The following PFKFB2 variants were observed in gnomAD, a reference collection of about 807,000 sequenced individuals.
The protein encoded by PFKFB2 is 6-phosphofructo-2-kinase/fructose-2,6-biphosphatase 2.
In PFKFB2, 53 loss-of-function variants were observed where a neutral mutation model predicts 68.0. The ratio of observed to expected loss-of-function variants is 0.78; its 90% confidence interval spans 0.63 to 0.98. The LOEUF (loss-of-function observed/expected upper bound fraction) is 0.98. PFKFB2 is among the 50% of genes least tolerant of loss of function. The pLI is 0.00. For missense variants in PFKFB2, 451 were observed against 642.0 expected, an observed-to-expected ratio of 0.70 and a Z score of 3.22; for synonymous variants, 222 against 227.6, an observed-to-expected ratio of 0.98 and a Z score of 0.22.
In PFKFB2 at chr1:207,072,552, C is replaced by T. The variant is rs1683496999; in HGVS notation, c.*181C>T. On this transcript the variant is annotated 3_prime_UTR_variant, in exon 15 of 15. Transcript: ENST00000367080. The stretch of plus-strand genomic sequence containing the variant: ...TTATGTGTTTATAGGACAACTTAAG[C>T]TGTTCTTCAGTTTGAAACATCTTTT... 6.6e-6 allele frequency: 9 copies of T among 1,357,482 alleles called. No homozygotes were observed. Among genetic ancestry groups the T allele is most frequent in the Middle Eastern group, 5.5e-4 (2 of 3,642 alleles). 84.1% of individuals were successfully genotyped at this position (1,357,482 alleles called of 1,614,324 possible).
At chr1:207,036,112 C>T (rs561669947) in intron 1 of PFKFB2, among the ~76,000 whole-genome samples, 1 of 152,106 alleles carries the variant, frequency 6.6e-6, no homozygotes, top group Non-Finnish European at 1.5e-5. Context: ...AGGGATCTGC[C>T]CCCATGACCC....
chr1:207,050,675 C>T (rs760096036), upstream of PFKFB2: 70 of 1,612,778 alleles, frequency 4.3e-5, 1 homozygote, highest in South Asian at 7.5e-4. Context: ...TGGCCCCAGC[C>T]CTGATTCCTT....
chr1:207,042,249 C>T (rs776790758), intron 2 of PFKFB2: 8 of 152,008 alleles, frequency 5.3e-5, no homozygotes, highest in Non-Finnish European at 1.2e-4. Context: ...GCAACATGAC[C>T]AACATTAAGA....
At chr1:207,054,563 T>C in intron 1 of PFKFB2, 138 bp from the exon 2 acceptor site, 1 of 583,496 alleles carries the variant, frequency 1.7e-6, no homozygotes, top group Non-Finnish European at 3.0e-6. Flanking sequence ...AGCTGCTAAC[T>C]GGGAGAAACA....
Position 207,074,540 on chromosome 1 carries a change from C to T in PFKFB2, c.*2169C>T, listed in dbSNP as rs1011492980. Reference sequence around the variant, plus strand: ...GACTCCTGACCCCGGGTCCTTTACTCGTATGTCCCAAGTAGGATACCATAG... The same window carrying T: ...GACTCCTGACCCCGGGTCCTTTACTTGTATGTCCCAAGTAGGATACCATAG... On this transcript the variant is annotated 3_prime_UTR_variant, in exon 15 of 15. Coordinates refer to ENST00000367080, the MANE Select transcript of PFKFB2 (RefSeq NM_006212.2). 2.0e-6 allele frequency: 2 copies of T among 985,274 alleles called. No homozygotes were observed. The highest frequency in any genetic ancestry group is 1.7e-5 in the African/African-American group (1 of 57,216). 61.0% of individuals were successfully genotyped at this position (985,274 alleles called of 1,614,324 possible). A position where few individuals can be genotyped will look rare whatever the true frequency, so the allele number is the denominator to read the frequency against.
At chr1:207,059,685 C>T (rs1683029567) in intron 2 of PFKFB2, among the ~76,000 whole-genome samples, 1 of 152,148 alleles carries the variant, frequency 6.6e-6, no homozygotes, top group Non-Finnish European at 1.5e-5. Flanking sequence ...GTCTGGGCCT[C>T]CATTTCTCCC....
chr1:207,066,658 CT>C (rs200809973), intron 8 of PFKFB2, among the ~76,000 whole-genome samples: 2 of 151,302 alleles, frequency 1.3e-5, no homozygotes, highest in African/African-American at 4.9e-5. Context: ...GCACTTATGA[CT>C]TTTTTTTTGA....
At chr1:207,078,856 G>C, downstream of PFKFB2, 1 of 970,126 alleles carries the variant, frequency 1.0e-6, no homozygotes, top group Non-Finnish European at 1.6e-6. Context: ...GGGAGGTTGA[G>C]GGAGGAGGGA....
At position 207,075,629 on chromosome 1, in the gene PFKFB2, A is replaced by G; in HGVS notation, c.*3258A>G. On this transcript the variant is annotated 3_prime_UTR_variant, in exon 15 of 15. Coordinates refer to ENST00000367080, the MANE Select transcript of PFKFB2 (RefSeq NM_006212.2). Reference sequence around the variant, plus strand: ...AAATAGGTAAAGACATTAGCATTTAATCTACTGGAATAAGCTGGTTGCTGT... The same window carrying G: ...AAATAGGTAAAGACATTAGCATTTAGTCTACTGGAATAAGCTGGTTGCTGT... The G allele has an allele frequency of 1.0e-6, 1 of 985,180 alleles. No individual in the cohort carries two copies. The highest frequency in any genetic ancestry group is 1.2e-6 in the Non-Finnish European group (1 of 829,664). 61.0% of individuals were successfully genotyped at this position (985,180 alleles called of 1,614,324 possible).
At position 207,075,501 on chromosome 1, in the gene PFKFB2, G is replaced by C. The variant is rs1334928712; in HGVS notation, c.*3130G>C. Reference sequence around the variant, plus strand: ...CCTGGTCTTACTTGAATGCATGTTGGTAATCTGTATACATTACTATGACTG... The same window carrying C: ...CCTGGTCTTACTTGAATGCATGTTGCTAATCTGTATACATTACTATGACTG... On this transcript the variant is annotated 3_prime_UTR_variant, in exon 15 of 15. Transcript: ENST00000367080. 1 of 985,174 alleles carries C rather than the reference G, an allele frequency of 1.0e-6. No individual in the cohort carries two copies. Among genetic ancestry groups the C allele is most frequent in the African/African-American group, 1.7e-5 (1 of 57,220 alleles). The allele number at this position is 985,174 out of a possible 1,614,324, so 61.0% of individuals were successfully genotyped here.
At chr1:207,080,615 T>G (rs1260087803), downstream of PFKFB2, 2 of 152,246 alleles carry the variant, frequency 1.3e-5, no homozygotes, top group Non-Finnish European at 2.9e-5. Context: ...ATTTAGTTAT[T>G]TATTCTATCC....
intron 2 of PFKFB2, chr1:207,044,297 T>A (rs1201070318): frequency 6.6e-6 from 1 of 152,562 alleles, no homozygotes; most frequent in Non-Finnish European, 1.5e-5. Context: ...TGAATTCAAA[T>A]TTTTTTCAAG....
At chr1:207,042,874 TC>T (rs2102318255) in intron 2 of PFKFB2, among the ~76,000 whole-genome samples, 1 of 152,340 alleles carries the variant, frequency 6.6e-6, no homozygotes, top group Non-Finnish European at 1.5e-5. Flanking sequence ...ATTTACATTA[TC>T]TGTAAACTTA....
intron 2 of PFKFB2, among the ~76,000 whole-genome samples, chr1:207,056,553 T>G (rs1395699720): frequency 6.6e-6 from 1 of 151,842 alleles, no homozygotes; most frequent in Non-Finnish European, 1.5e-5. Context: ...CTACCTGCTT[T>G]CCTAACTCTT....
rs781753104 is a variant in PFKFB2 at position 207,070,345 on chromosome 1, C to A, written c.1158C>A (p.Val386=). ...TGGAGCTGGAACGTCAGGGCAATGT[C>A]CTCGTCATCTCCCACCAGGCTGTCA... is the stretch of plus-strand genomic sequence containing the variant. ...VIMELERQGN[V]LVISHQAVMR... is the part of the protein sequence containing the mutation. The change falls in exon 12 of 15, where the codon GTC becomes GTA. Residue 386 remains valine (V), a synonymous_variant. Coordinates refer to ENST00000367080, the MANE Select transcript of PFKFB2 (RefSeq NM_006212.2). The surrounding 1 kb of genome is among the most constrained non-coding windows in gnomAD (Gnocchi z 4.2). 1.9e-6 allele frequency: 3 copies of A among 1,613,930 alleles called. No individual in the cohort carries two copies. The South Asian group carries it at 3.3e-5, about 18-fold the overall frequency.
At chr1:207,061,072 TA>T in intron 2 of PFKFB2, 1 of 118,156 alleles carries the variant, frequency 8.5e-6, no homozygotes, top group African/African-American at 3.5e-5. Flanking sequence ...TCTTTATATA[TA>T]TCTTTATATA....
intron 1 of PFKFB2, among the ~76,000 whole-genome samples, chr1:207,038,535 T>A (rs914242975): frequency 6.6e-6 from 1 of 152,212 alleles, no homozygotes; most frequent in East Asian, 1.9e-4. Flanking sequence ...TGCTGTACCC[T>A]CTATTTGAAA....
intron 1 of PFKFB2, among the ~76,000 whole-genome samples, chr1:207,036,539 C>T (rs1027343211): frequency 2.6e-5 from 4 of 152,232 alleles, no homozygotes; most frequent in Non-Finnish European, 5.9e-5. Context: ...CATAAACTGT[C>T]TACCTCTCTT....
chr1:207,051,988 G>A (rs1193761287), upstream of PFKFB2, among the ~76,000 whole-genome samples: 1 of 152,236 alleles, frequency 6.6e-6, no homozygotes, highest in Non-Finnish European at 1.5e-5. Flanking sequence ...GGAAGAATTA[G>A]TTTAATTCCC....
Sources: allele counts gnomAD v4.1 joint callset (sites outside exome capture counted in the v4.1 genomes callset), GRCh38; gene constraint gnomAD v4.1.1; non-coding constraint Gnocchi (gnomAD v3.1); transcripts MANE v1.5; gene names NCBI Gene and HGNC (gene_info 2026-07-23, HGNC 2026-07-21).